TMEM233: variants seen among roughly 807,000 people sequenced by gnomAD.
TMEM233 encodes dispanin subfamily B member 2.
Under a neutral mutation model 11.2 loss-of-function variants are expected in TMEM233, and 6 were observed. That is an observed-to-expected ratio of 0.54 (90% CI 0.29 to 1.06). The LOEUF (loss-of-function observed/expected upper bound fraction) is 1.06. Among genes scored for constraint, TMEM233 ranks in the 50% least tolerant of loss-of-function variants. The probability of loss-of-function intolerance (pLI) is 0.08; values close to 1 mark genes in which losing one functional copy is unlikely to be tolerated. For synonymous variants in TMEM233, 59 were observed against 55.8 expected, an observed-to-expected ratio of 1.06 and a Z score of -0.26; for missense variants, 127 against 144.7, an observed-to-expected ratio of 0.88 and a Z score of 0.63.
At chr12:119,625,815 G>GA (rs200355510) in intron 1 of TMEM233, among the ~76,000 whole-genome samples, 50 of 151,028 alleles carry the variant, frequency 3.3e-4, no homozygotes, top group South Asian at 8.4e-4. Flanking sequence ...ATCTTCTGTA[G>GA]AAAAAAAAAT....
chr12:119,624,445 G>A (rs1954709067), intron 1 of TMEM233, among the ~76,000 whole-genome samples: 1 of 152,204 alleles, frequency 6.6e-6, no homozygotes, highest in Non-Finnish European at 1.5e-5. Context: ...AAAATGCAGT[G>A]TATCCTTACA....
Position 119,595,978 on chromosome 12 carries a change from AT to A in TMEM233, c.186+1945del, listed in dbSNP as rs745546883. Among the ~76,000 whole-genome samples, 2 of 152,242 alleles carry A rather than the reference AT, an allele frequency of 1.3e-5. No individual in the cohort carries two copies. The highest frequency in any genetic ancestry group is 6.5e-5 in the Admixed American group (1 of 15,288). On this transcript the variant is annotated intron_variant, in intron 1 of 2. Transcript: ENST00000426426. This position sits in a 1 kb window ranked among gnomAD's most constrained non-coding sequence, Gnocchi z 4.3. Reference sequence around the variant, plus strand: ...AAATGTGGCACGTGGTAGATGCTTAATAAGTATCATGAAATGAATGCATGCA... The same window carrying A: ...AAATGTGGCACGTGGTAGATGCTTAAAAGTATCATGAAATGAATGCATGCA...
intron 1 of TMEM233, among the ~76,000 whole-genome samples, chr12:119,598,541 T>C (rs1954094314): frequency 6.6e-6 from 1 of 152,194 alleles, no homozygotes; most frequent in Admixed American, 6.5e-5. Context: ...AGGACAGTAG[T>C]ACTTTGAGTC....
intron 1 of TMEM233, among the ~76,000 whole-genome samples, chr12:119,603,714 T>C (rs1167089318): frequency 2.0e-5 from 3 of 152,220 alleles, no homozygotes; most frequent in African/African-American, 7.2e-5. Flanking sequence ...CACTGATTTG[T>C]GTATGTGAGG....
intron 2 of TMEM233, among the ~76,000 whole-genome samples, chr12:119,630,240 T>TA (rs760467300): frequency 3.9e-5 from 6 of 152,294 alleles, no homozygotes; most frequent in South Asian, 2.1e-4. Context: ...GAGTGATTTA[T>TA]AAAAAAAGAA....
intron 2 of TMEM233, among the ~76,000 whole-genome samples, chr12:119,639,826 G>A (rs977593308): frequency 6.6e-6 from 1 of 152,034 alleles, no homozygotes; most frequent in Admixed American, 6.6e-5. Flanking sequence ...AAACTACAGG[G>A]CCTGGCACTC....
chr12:119,637,664 C>T (rs1954995271), intron 2 of TMEM233, among the ~76,000 whole-genome samples: 1 of 152,080 alleles, frequency 6.6e-6, no homozygotes, highest in Non-Finnish European at 1.5e-5. Flanking sequence ...GGAATCATTA[C>T]CTATTTCTAG....
chr12:119,607,066 T>C (rs1593282356), intron 1 of TMEM233, among the ~76,000 whole-genome samples: 2 of 152,218 alleles, frequency 1.3e-5, no homozygotes, highest in African/African-American at 4.8e-5. Context: ...TACCCATTCA[T>C]TGACCCTTAA....
intron 1 of TMEM233, 146 bp from the exon 2 acceptor site, chr12:119,629,589 CT>C (rs1954835965): frequency 1.4e-6 from 1 of 717,142 alleles, no homozygotes; most frequent in Non-Finnish European, 2.2e-6. Context: ...GAGGGGATGA[CT>C]GTGTTGTTTG....
chr12:119,633,638 A>T (rs1470402691), intron 2 of TMEM233, among the ~76,000 whole-genome samples: 1 of 152,162 alleles, frequency 6.6e-6, no homozygotes. Context: ...AGGCTTTGTC[A>T]TATGCATGTA....
intron 1 of TMEM233, among the ~76,000 whole-genome samples, chr12:119,598,422 T>A (rs1415819947): frequency 1.3e-5 from 2 of 152,224 alleles, no homozygotes; most frequent in East Asian, 3.8e-4. Context: ...CAATAACCAA[T>A]GACTTTTGAC....
At chr12:119,628,660 C>T (rs545681033) in intron 1 of TMEM233, among the ~76,000 whole-genome samples, 290 of 152,046 alleles carry the variant, frequency 1.9e-3, no homozygotes, top group Non-Finnish European at 2.9e-3. Context: ...CCACCACGCC[C>T]GGCTAATTTT....
chr12:119,637,623 G>A (rs1379659986), intron 2 of TMEM233, among the ~76,000 whole-genome samples: 1 of 152,172 alleles, frequency 6.6e-6, no homozygotes, highest in Non-Finnish European at 1.5e-5. Context: ...GTTTTGATCA[G>A]AGAATTTTTG....
At chr12:119,603,660 T>C (rs1295321247) in intron 1 of TMEM233, among the ~76,000 whole-genome samples, 1 of 152,222 alleles carries the variant, frequency 6.6e-6, no homozygotes, top group Non-Finnish European at 1.5e-5. Flanking sequence ...TTGTGCCCTC[T>C]TTACTCTAAA....
At chr12:119,644,425 C>T (rs1382134906), downstream of TMEM233, among the ~76,000 whole-genome samples, 1 of 151,748 alleles carries the variant, frequency 6.6e-6, no homozygotes, top group East Asian at 1.9e-4. Context: ...CTGCTTCTTA[C>T]TATACCTTCC....
chr12:119,613,732 T>G (rs1954460794), intron 1 of TMEM233, among the ~76,000 whole-genome samples: 1 of 152,048 alleles, frequency 6.6e-6, no homozygotes, highest in African/African-American at 2.4e-5. Context: ...GGAGAATTGC[T>G]TAAGCCCAAG....
At chr12:119,627,663 C>T (rs76787090) in intron 1 of TMEM233, among the ~76,000 whole-genome samples, 6,377 of 152,260 alleles carry the variant, frequency 0.042, 176 homozygotes, top group Non-Finnish European at 0.055. Flanking sequence ...CTGACCACAA[C>T]ATCTCCCACC....
intron 1 of TMEM233, among the ~76,000 whole-genome samples, chr12:119,607,689 G>A (rs1160123602): frequency 2.0e-5 from 3 of 151,048 alleles, no homozygotes; most frequent in Non-Finnish European, 4.4e-5. Flanking sequence ...GTTCACTGCA[G>A]CCCCCACCTC....
At chr12:119,602,211 A>C (rs1481148803) in intron 1 of TMEM233, among the ~76,000 whole-genome samples, 1 of 143,562 alleles carries the variant, frequency 7.0e-6, no homozygotes, top group Non-Finnish European at 1.5e-5. Context: ...CACACGTCAA[A>C]ACTGCTTCAA....
Sources: allele counts gnomAD v4.1 joint callset (sites outside exome capture counted in the v4.1 genomes callset), GRCh38; gene constraint gnomAD v4.1.1; non-coding constraint Gnocchi (gnomAD v3.1); transcripts MANE v1.5; gene names NCBI Gene and HGNC (gene_info 2026-07-23, HGNC 2026-07-21).